The following SLC26A4 variants were observed in gnomAD, a reference collection of about 807,000 sequenced individuals.
SLC26A4 encodes solute carrier family 26 member 4, also known as pendrin.
A neutral mutation model predicts 90.4 loss-of-function variants in SLC26A4; 93 were observed. The observed-to-expected ratio is 1.03, with a 90% CI of 0.87 to 1.22. The LOEUF (loss-of-function observed/expected upper bound fraction) is 1.22, where lower values mean the gene tolerates loss of function less well. Among genes scored for constraint, SLC26A4 ranks in the 50% most tolerant of loss-of-function variants. The pLI, the probability that SLC26A4 is intolerant of heterozygous loss-of-function variation, is 0.00. For missense variants in SLC26A4, 1,127 were observed against 946.2 expected, an observed-to-expected ratio of 1.19 and a Z score of -2.51; for synonymous variants, 393 against 354.6, an observed-to-expected ratio of 1.11 and a Z score of -1.22.
rs111033380 is a variant in SLC26A4 at position 107,674,337 on chromosome 7, G to A, written c.589G>A (p.Gly197Arg). 2 of 1,611,300 alleles carry A rather than the reference G, an allele frequency of 1.2e-6. No individual in the cohort carries two copies. The highest frequency in any genetic ancestry group is 4.5e-5 in the East Asian group (2 of 44,882). ...LIASALTLLV[G>R]IIQLIFGGLQ... Reference sequence around the variant, plus strand: ...TGCCAGTGCCCTGACTCTGCTGGTTGGAATTATACAGGTAATGAACTTACA... The same window carrying A: ...TGCCAGTGCCCTGACTCTGCTGGTTAGAATTATACAGGTAATGAACTTACA... Residue 197 changes from glycine to arginine, a missense_variant, in exon 5 of 21, where the codon GGA becomes AGA. Physicochemically the swap from Gly to Arg is moderately radical, Grantham distance 125. Coordinates refer to ENST00000644269, the MANE Select transcript of SLC26A4 (RefSeq NM_000441.2).
chr7:107,691,297 T>A (rs1402895791), intron 10 of SLC26A4, among the ~76,000 whole-genome samples: 2 of 151,190 alleles, frequency 1.3e-5, no homozygotes, highest in Non-Finnish European at 2.9e-5. Flanking sequence ...AGGTCAGGAG[T>A]TCGAGACTAA....
chr7:107,696,624 T>C (rs539945795), intron 13 of SLC26A4, among the ~76,000 whole-genome samples: 1 of 152,312 alleles, frequency 6.6e-6, no homozygotes, highest in Admixed American at 6.5e-5. Context: ...ATAAGGCATA[T>C]AACCAATAAA....
At chr7:107,691,979 C>A in intron 10 of SLC26A4, 3 of 1,288,730 alleles carry the variant, frequency 2.3e-6, no homozygotes, top group Non-Finnish European at 3.0e-6. Flanking sequence ...CTCTCCAGAG[C>A]ACATGGTCTT....
At position 107,661,688 on chromosome 7, in the gene SLC26A4, A is replaced by G; in HGVS notation, c.47A>G (p.Tyr16Cys). 1.3e-6 allele frequency: 2 copies of G among 1,573,076 alleles called. No homozygotes were observed. The highest frequency in any genetic ancestry group is 1.7e-6 in the Non-Finnish European group (2 of 1,163,744). Residue 16 changes from tyrosine to cysteine, a missense_variant, in exon 2 of 21, where the codon TAC becomes TGC. Coordinates refer to ENST00000644269, the MANE Select transcript of SLC26A4 (RefSeq NM_000441.2). This position sits in a 1 kb window ranked among gnomAD's most constrained non-coding sequence, Gnocchi z 5.1. ...TCGGAGCCGCCGCAGCTCCCCGAGT[A>G]CAGCTGCAGCTACATGGTGTCGCGG... is the stretch of plus-strand genomic sequence containing the variant. ...GRSEPPQLPE[Y>C]SCSYMVSRPV... is the part of the protein sequence containing the mutation.
intron 10 of SLC26A4, among the ~76,000 whole-genome samples, chr7:107,692,276 G>A (rs565692009): frequency 1.3e-5 from 2 of 152,262 alleles, no homozygotes; most frequent in East Asian, 1.9e-4. Context: ...TAAATTCTGG[G>A]GTTAAAAGTC....
At chr7:107,694,842 T>C in intron 12 of SLC26A4, 126 bp downstream of exon 12, 1 of 731,086 alleles carries the variant, frequency 1.4e-6, no homozygotes, top group Non-Finnish European at 2.5e-6. Flanking sequence ...GAGGAGAAAT[T>C]AGAATTGTGG....
At position 107,696,136 on chromosome 7, in the gene SLC26A4, G is replaced by A. The variant is rs939463783; in HGVS notation, c.1544+97G>A. 27 of 800,624 alleles carry A rather than the reference G, an allele frequency of 3.4e-5. 1 individual carries two copies. The highest frequency in any genetic ancestry group is 5.4e-5 in the South Asian group (4 of 74,328). The allele number at this position is 800,624 out of a possible 1,614,324, so 49.6% of individuals were successfully genotyped here. On this transcript the variant is annotated intron_variant, in intron 13 of 20. Coordinates refer to ENST00000644269, the MANE Select transcript of SLC26A4 (RefSeq NM_000441.2). ...AAATATAGTGAAGCCACTTTCTTTC[G>A]TTATAGTTACTGTATATTGAGTGCT...
At chr7:107,710,271 A>G in intron 19 of SLC26A4, 72 bp downstream of exon 19, 2 of 1,127,522 alleles carry the variant, frequency 1.8e-6, no homozygotes, top group Non-Finnish European at 2.7e-6. Context: ...CAAACATTAC[A>G]CAAGTCTAGT....
intron 18 of SLC26A4, among the ~76,000 whole-genome samples, chr7:107,705,963 C>G (rs913911219): frequency 5.9e-5 from 9 of 152,206 alleles, no homozygotes; most frequent in African/African-American, 2.2e-4. Context: ...CTTCAGCTTA[C>G]AGAGCTTCAG....
chr7:107,678,538 G>T (rs1041496662), intron 6 of SLC26A4, among the ~76,000 whole-genome samples: 10 of 152,144 alleles, frequency 6.6e-5, no homozygotes, highest in African/African-American at 2.4e-4. Flanking sequence ...AAGTGAGCAG[G>T]AAACACTAGA....
chr7:107,681,505 T>C (rs955556454), intron 6 of SLC26A4, among the ~76,000 whole-genome samples: 1 of 152,212 alleles, frequency 6.6e-6, no homozygotes, highest in African/African-American at 2.4e-5. Flanking sequence ...ATAAATGTTA[T>C]AAACTATAAG....
rs778901860 is a variant in SLC26A4 at position 107,701,161 on chromosome 7, A to T, written c.1768A>T (p.Lys590Ter). The change falls in exon 16 of 21, where the codon AAA becomes TAA. Residue 590 changes from lysine (K) to a stop codon, truncating the protein, a stop_gained. Coordinates refer to ENST00000644269, the MANE Select transcript of SLC26A4 (RefSeq NM_000441.2). LOFTEE classifies it high-confidence loss of function. The stretch of plus-strand genomic sequence containing the variant: ...GCTGAAAGCGCTGAGGAAAATACAG[A>T]AACTAATAAAAAGTGGACAATTAAG... ...KRLKALRKIQKLIKSGQLRAT... is the reference protein window; with the variant it reads ...KRLKALRKIQ 2 of 1,609,652 alleles carry T rather than the reference A, an allele frequency of 1.2e-6. No homozygotes were observed. The highest frequency in any genetic ancestry group is 1.7e-6 in the Non-Finnish European group (2 of 1,175,986).
chr7:107,710,480 A>G (rs981915539), intron 19 of SLC26A4, among the ~76,000 whole-genome samples: 7 of 152,246 alleles, frequency 4.6e-5, no homozygotes, highest in Non-Finnish European at 1.0e-4. Flanking sequence ...GGCATTAGCT[A>G]TAATGCCTTT....
rs35045430 is a variant in SLC26A4, at chr7:107,674,313, G to A, written c.565G>A (p.Ala189Thr). The change falls in exon 5 of 21, where the codon GCC becomes ACC. Residue 189 changes from alanine (A) to threonine (T), a missense_variant. Transcript: ENST00000644269. The stretch of plus-strand genomic sequence containing the variant: ...TAGAGATACAGCTAGAGTCCTGATT[G>A]CCAGTGCCCTGACTCTGCTGGTTGG... Reference protein sequence around the residue: ...AARDTARVLIASALTLLVGII... With the variant: ...AARDTARVLITSALTLLVGII... 6.2e-7 allele frequency: 1 copy of A among 1,613,876 alleles called. No individual in the cohort carries two copies. Among genetic ancestry groups the A allele is most frequent in the Non-Finnish European group, 8.5e-7 (1 of 1,179,798 alleles).
chr7:107,707,089 A>T (rs1792054794), intron 18 of SLC26A4, among the ~76,000 whole-genome samples: 1 of 152,188 alleles, frequency 6.6e-6, no homozygotes, highest in South Asian at 2.1e-4. Flanking sequence ...GTGAGCCCAG[A>T]TGGTGCCACT....
Position 107,704,334 on chromosome 7 carries a change from G to A in SLC26A4, c.2038G>A (p.Val680Ile). 1 of 1,353,850 alleles carries A rather than the reference G, an allele frequency of 7.4e-7. No individual in the cohort carries two copies. The highest frequency in any genetic ancestry group is 1.1e-6 in the Non-Finnish European group (1 of 947,930). 83.9% of individuals were successfully genotyped at this position (1,353,850 alleles called of 1,614,324 possible). A position where few individuals can be genotyped will look rare whatever the true frequency, so the allele number is the denominator to read the frequency against. Residue 680 changes from valine (V) to isoleucine (I), a missense_variant, in exon 18 of 21, where the codon GTC becomes ATC. Coordinates refer to ENST00000644269, the MANE Select transcript of SLC26A4 (RefSeq NM_000441.2). ...VVGVRSLRVI[V>I]KEFQRIDVNV... ...AACTCTCCTTTTTTATTTTTAGATT[G>A]TCAAAGAATTCCAAAGAATTGATGT...
At chr7:107,666,316 G>A (rs1790711997) in intron 3 of SLC26A4, among the ~76,000 whole-genome samples, 1 of 152,046 alleles carries the variant, frequency 6.6e-6, no homozygotes, top group South Asian at 2.1e-4. Flanking sequence ...TGGCCTCCTG[G>A]GCCCAGGTGA....
intron 6 of SLC26A4, among the ~76,000 whole-genome samples, chr7:107,675,557 C>T (rs1052539825): frequency 2.0e-5 from 3 of 147,874 alleles, no homozygotes; most frequent in East Asian, 4.0e-4. Flanking sequence ...GGAGCACCCA[C>T]ATTTCTTTCT....
Position 107,674,949 on chromosome 7 carries a change from T to C in SLC26A4, c.605T>C (p.Ile202Thr), listed in dbSNP as rs1021874686. Residue 202 changes from isoleucine (I) to threonine (T), a missense_variant, in exon 6 of 21, where the codon ATA becomes ACA. Physicochemically the swap from Ile to Thr is moderately conservative, Grantham distance 89. Coordinates refer to ENST00000644269, the MANE Select transcript of SLC26A4 (RefSeq NM_000441.2). ...CTTTCCTTTTCCTTATCGTAGTTGA[T>C]ATTTGGTGGCTTGCAGATTGGATTC... is the stretch of plus-strand genomic sequence containing the variant. The part of the protein sequence containing the change: ...LTLLVGIIQL[I>T]FGGLQIGFIV... 3.1e-6 allele frequency: 5 copies of C among 1,613,854 alleles called. No individual in the cohort carries two copies. The highest frequency in any genetic ancestry group is 1.1e-5 in the South Asian group (1 of 91,074).
Sources: gnomAD v4.1 joint callset for allele counts (sites outside exome capture counted in the v4.1 genomes callset) on GRCh38, gnomAD v4.1.1 for gene constraint, Gnocchi (gnomAD v3.1) non-coding constraint, MANE v1.5 for transcripts, NCBI Gene and HGNC (gene_info 2026-07-23, HGNC 2026-07-21) for gene names.